The following PLEKHS1 variants were observed in gnomAD, a reference collection of about 807,000 sequenced individuals.
PLEKHS1 encodes pleckstrin homology domain-containing family S member 1.
Under a neutral mutation model 51.0 loss-of-function variants are expected in PLEKHS1, and 55 were observed. That is an observed-to-expected ratio of 1.08 (90% confidence interval 0.87 to 1.35). PLEKHS1 has a LOEUF of 1.35. Ranked by LOEUF, PLEKHS1 falls within the 40% of genes most tolerant of loss-of-function variation. PLEKHS1 has a pLI of 0.00. For synonymous variants in PLEKHS1, 153 were observed against 144.8 expected (o/e 1.06, Z -0.41); for missense variants, 398 against 423.0 (o/e 0.94, Z 0.52).
At chr10:113,777,356 AT>A in intron 11 of PLEKHS1, 97 bp downstream of exon 12, 1 of 1,608,628 alleles carries the variant, frequency 6.2e-7, no homozygotes, top group Non-Finnish European at 8.5e-7. Context: ...CTGAATACAA[AT>A]AAGGTTCCTC....
intron 11 of PLEKHS1, among the ~76,000 whole-genome samples, chr10:113,779,336 G>A (rs546366734): frequency 2.0e-5 from 3 of 152,220 alleles, no homozygotes; most frequent in East Asian, 1.9e-4. Context: ...TTTGGGAGGC[G>A]GAGGTGGGCA....
At chr10:113,759,110 G>C (rs1843803832) in intron 2 of PLEKHS1, among the ~76,000 whole-genome samples, 1 of 152,196 alleles carries the variant, frequency 6.6e-6, no homozygotes, top group Non-Finnish European at 1.5e-5. Context: ...AAATCATCAA[G>C]ATGGTAAATG....
chr10:113,767,718 C>T (rs1159220369), intron 5 of PLEKHS1, among the ~76,000 whole-genome samples: 1 of 152,116 alleles, frequency 6.6e-6, no homozygotes, highest in Non-Finnish European at 1.5e-5. Flanking sequence ...TTTATTGTCT[C>T]ACTGTTCCAG....
exon 12 of PLEKHS1, chr10:113,781,036 A>G (rs1248287528): frequency 2.0e-6 from 1 of 500,830 alleles, no homozygotes; most frequent in African/African-American, 1.9e-5. Context: ...CACCACAGAC[A>G]CAGATTGGGT....
intron 2 of PLEKHS1, among the ~76,000 whole-genome samples, chr10:113,762,365 C>CTTTTTTTTTT (rs34457408): frequency 1.7e-3 from 108 of 61,782 alleles, no homozygotes; most frequent in Non-Finnish European, 2.4e-3. Flanking sequence ...AGATTTGTTC[C>CTTTTTTTTTT]TTTTTTTTTT....
rs192073037 is a variant in PLEKHS1, at chr10:113,752,069, T to C, written c.-20+308T>C. On this transcript the variant is annotated intron_variant, in intron 1 of 11. Coordinates refer to ENST00000361048, the Ensembl canonical transcript of PLEKHS1. Reference sequence around the variant, plus strand: ...AAATCAGAAAGGCTTTCTTTTTTGTTTGGGGGCAATGACAAGAAAAACAAG... The same window carrying C: ...AAATCAGAAAGGCTTTCTTTTTTGTCTGGGGGCAATGACAAGAAAAACAAG... 2.8e-3 allele frequency among the ~76,000 whole-genome samples: 422 copies of C among 152,214 alleles called. 1 individual carries two copies. Among genetic ancestry groups the C allele is most frequent in the African/African-American group, 9.8e-3 (407 of 41,522 alleles).
chr10:113,768,788 C>A, intron 5 of PLEKHS1, 27 bp from the exon 6 acceptor site: 1 of 1,589,606 alleles, frequency 6.3e-7, no homozygotes, highest in African/African-American at 1.3e-5. Flanking sequence ...TGCCACATGC[C>A]AACTGAAAGT....
At chr10:113,761,314 T>TA (rs1564817842) in intron 2 of PLEKHS1, among the ~76,000 whole-genome samples, 1 of 152,046 alleles carries the variant, frequency 6.6e-6, no homozygotes, top group Admixed American at 6.5e-5. Context: ...TTTTACAAGA[T>TA]AAAAAATGCC....
At chr10:113,768,411 G>A (rs1844255835) in intron 5 of PLEKHS1, among the ~76,000 whole-genome samples, 1 of 152,162 alleles carries the variant, frequency 6.6e-6, no homozygotes, top group Non-Finnish European at 1.5e-5. Flanking sequence ...TAGAAAAGAT[G>A]TGATTATACA....
At chr10:113,763,257 A>T (rs1844022369) in intron 2 of PLEKHS1, among the ~76,000 whole-genome samples, 1 of 152,164 alleles carries the variant, frequency 6.6e-6, no homozygotes, top group Non-Finnish European at 1.5e-5. Context: ...TAGGCACTCC[A>T]GCTTTCTTTG....
At chr10:113,768,775 T>A in intron 5 of PLEKHS1, 40 bp from the exon 6 acceptor site, 1 of 1,510,372 alleles carries the variant, frequency 6.6e-7, no homozygotes, top group Non-Finnish European at 9.2e-7. Flanking sequence ...AAGGCACTAT[T>A]GTTGCCACAT....
chr10:113,780,945 G>A, exon 12 of PLEKHS1: 1 of 664,544 alleles, frequency 1.5e-6, no homozygotes, highest in South Asian at 2.1e-5. Context: ...TATTGTATCA[G>A]AGATGCTAAG....
At chr10:113,781,743 CT>C (rs1447120680) in exon 12 of PLEKHS1, 1 of 133,854 alleles carries the variant, frequency 7.5e-6, no homozygotes, top group Non-Finnish European at 1.6e-5. Context: ...CCAACACCTC[CT>C]TCCCCAACAC....
At chr10:113,772,592 T>C (rs745314753) in intron 8 of PLEKHS1, among the ~76,000 whole-genome samples, 52 of 152,278 alleles carry the variant, frequency 3.4e-4, no homozygotes, top group Middle Eastern at 3.4e-3. Context: ...GCTAAAGTAA[T>C]GAGCCTGACA....
intron 8 of PLEKHS1, 97 bp downstream of exon 8, chr10:113,772,186 G>A: frequency 1.5e-6 from 2 of 1,336,310 alleles, no homozygotes; most frequent in Non-Finnish European, 2.1e-6. Flanking sequence ...TATGGTCAGT[G>A]GGAACACAGA....
chr10:113,760,795 C>A (rs1479733279), intron 2 of PLEKHS1, among the ~76,000 whole-genome samples: 1 of 152,070 alleles, frequency 6.6e-6, no homozygotes, highest in South Asian at 2.1e-4. Context: ...TCCTTTGATG[C>A]ACAAAAGTTT....
At chr10:113,778,643 C>CTCT (rs1844770263) in intron 11 of PLEKHS1, among the ~76,000 whole-genome samples, 1 of 127,114 alleles carries the variant, frequency 7.9e-6, no homozygotes, top group Admixed American at 8.9e-5. Context: ...CGTTCACTTT[C>CTCT]TTTTTTTTTT....
At chr10:113,774,739 T>A in intron 9 of PLEKHS1, 87 bp from the exon 10 acceptor site, 1 of 1,203,910 alleles carries the variant, frequency 8.3e-7, no homozygotes, top group East Asian at 2.3e-5. Flanking sequence ...TTCACATGGC[T>A]GTTAGCTACT....
intron 11 of PLEKHS1, chr10:113,777,154 G>A (rs1564828523): frequency 6.2e-7 from 1 of 1,612,802 alleles, no homozygotes; most frequent in Non-Finnish European, 8.5e-7. Flanking sequence ...CCCCACGTTT[G>A]GGATGCATAT....
Sources: allele counts gnomAD v4.1 joint callset (sites outside exome capture counted in the v4.1 genomes callset), GRCh38; gene constraint gnomAD v4.1.1; transcripts MANE v1.5; gene names NCBI Gene and HGNC (gene_info 2026-07-23, HGNC 2026-07-21).